The following SOWAHA variants were observed in gnomAD, a reference collection of about 807,000 sequenced individuals.
SOWAHA encodes sosondowah ankyrin repeat domain family member A.
A neutral mutation model predicts 21.1 loss-of-function variants in SOWAHA; 17 were observed. The ratio of observed to expected loss-of-function variants is 0.80; its 90% CI spans 0.55 to 1.21. SOWAHA has a LOEUF of 1.21. Ranked by LOEUF, SOWAHA falls within the 50% of genes most tolerant of loss-of-function variation. The pLI, the probability that SOWAHA is intolerant of heterozygous loss-of-function variation, is 0.00. For missense variants in SOWAHA, 862 were observed against 816.0 expected (o/e 1.06, Z -0.69); for synonymous variants, 422 against 397.1 (o/e 1.06, Z -0.75).
rs1384666045 is a variant in SOWAHA at position 132,814,416 on chromosome 5, T to TCTGGGCCTCGGC, written c.803_814dup (p.Leu268_Gly271dup). ...GGCGGCTCTCGGTGGAAGAGTCCGGTCTGGGCCTCGGCCTGGGCCCGGGCC... is the reference window on the plus strand; with the variant it reads ...GGCGGCTCTCGGTGGAAGAGTCCGGTCTGGGCCTCGGCCTGGGCCTCGGCCTGGGCCCGGGCC... On this transcript the variant is annotated inframe_insertion, in exon 1 of 1. Transcript: ENST00000378693. The TCTGGGCCTCGGC allele has an allele frequency of 4.7e-6, 7 of 1,484,256 alleles. No individual in the cohort carries two copies. In the Admixed American group the frequency reaches 9.2e-5, roughly 20 times the overall value. 91.9% of individuals were successfully genotyped at this position (1,484,256 alleles called of 1,614,324 possible).
At position 132,815,136 on chromosome 5, in the gene SOWAHA, C is replaced by T. The variant is rs1023592960; in HGVS notation, c.1515C>T (p.Phe505=). 5.0e-5 allele frequency: 81 copies of T among 1,613,984 alleles called. 4 individuals carry two copies. ...AGAAGTCGAGCTCCTTCAGCAAGTTCTTGAGCGCCTCGCCCATGGCTCCAC... is the reference window on the plus strand; with the variant it reads ...AGAAGTCGAGCTCCTTCAGCAAGTTTTTGAGCGCCTCGCCCATGGCTCCAC... ...GLKKSSSFSK[F]LSASPMAPRK... The change falls in exon 1 of 1, where the codon TTC becomes TTT. Residue 505 remains phenylalanine (F), a synonymous_variant. Coordinates refer to ENST00000378693, the MANE Select transcript of SOWAHA (RefSeq NM_175873.6).
In SOWAHA at chr5:132,815,268, C is replaced by A; in HGVS notation, c.1647C>A (p.Thr549=). 1.2e-6 allele frequency: 2 copies of A among 1,606,392 alleles called. No homozygotes were observed. The highest frequency in any genetic ancestry group is 1.7e-6 in the Non-Finnish European group (2 of 1,175,312). Residue 549 remains threonine (T), a synonymous_variant, in exon 1 of 1, where the codon ACC becomes ACA. Transcript: ENST00000378693. ...AGLVPSLPPT[T] The stretch of plus-strand genomic sequence containing the variant: ...TAGTGCCCAGTTTGCCTCCAACAAC[C>A]TGAAGGTCCCTGGGGCTACCACCTG...
In SOWAHA at chr5:132,813,317, G is replaced by A. The variant is rs911507391; in HGVS notation, c.-305G>A. Among the ~76,000 whole-genome samples the A allele has an allele frequency of 1.3e-5, 2 of 152,016 alleles. No individual in the cohort carries two copies. The highest frequency in any genetic ancestry group is 4.8e-5 in the African/African-American group (2 of 41,386). The stretch of plus-strand genomic sequence containing the variant: ...GGCAGCTGTCACCTGTAAGGCGAGC[G>A]CGGCGCGGGGGATGGAAGCAGGCGC... On this transcript the variant is annotated 5_prime_UTR_variant, in exon 1 of 1. Coordinates refer to ENST00000378693, the MANE Select transcript of SOWAHA (RefSeq NM_175873.6).
Position 132,813,589 on chromosome 5 carries a change from C to T in SOWAHA, c.-33C>T, listed in dbSNP as rs1758325912. 8.4e-7 allele frequency: 1 copy of T among 1,196,902 alleles called. No homozygotes were observed. The highest frequency in any genetic ancestry group is 1.0e-6 in the Non-Finnish European group (1 of 964,550). The allele number at this position is 1,196,902 out of a possible 1,614,324, so 74.1% of individuals were successfully genotyped here. A position where few individuals can be genotyped will look rare whatever the true frequency, so the allele number is the denominator to read the frequency against. ...CGTCCCGCGGCGACGCGGCGCCCAC[C>T]CGCCCCGGGAGCCAGGAACCCAGGG... is the stretch of plus-strand genomic sequence containing the variant. On this transcript the variant is annotated 5_prime_UTR_variant, in exon 1 of 1. Transcript: ENST00000378693.
In SOWAHA at chr5:132,814,528, T is replaced by G. The variant is rs1758355685; in HGVS notation, c.907T>G (p.Ser303Ala). 7 of 1,369,082 alleles carry G rather than the reference T, an allele frequency of 5.1e-6. No homozygotes were observed. The highest frequency in any genetic ancestry group is 1.5e-5 in the African/African-American group (1 of 65,200). The allele number at this position is 1,369,082 out of a possible 1,614,324, so 84.8% of individuals were successfully genotyped here. ...AEELPAAPPP[S>A]AVPLEPSEHE... is the part of the protein sequence containing the mutation. ...GGAGTTGCCCGCCGCGCCGCCGCCG[T>G]CCGCGGTGCCCCTGGAGCCGTCCGA... is the stretch of plus-strand genomic sequence containing the variant. The change falls in exon 1 of 1, where the codon TCC becomes GCC. Residue 303 changes from serine to alanine, a missense_variant. Physicochemically the swap from Ser to Ala is moderately conservative, Grantham distance 99. Coordinates refer to ENST00000378693, the MANE Select transcript of SOWAHA (RefSeq NM_175873.6).
chr5:132,813,671 C>G lies in SOWAHA; in HGVS notation c.50C>G (p.Ala17Gly), dbSNP rs1262706297. The change falls in exon 1 of 1, where the codon GCG (alanine) becomes GGG (glycine). Residue 17 changes from alanine (A) to glycine (G), a missense_variant. Coordinates refer to ENST00000378693, the MANE Select transcript of SOWAHA (RefSeq NM_175873.6). ...GCTGCGGCTGCCGGGGTGAGCCAGG[C>G]GGCGGTGCTGGGCTTCCTGCAGGAG... ...AAAAAAGVSQ[A>G]AVLGFLQEHG... 1 of 1,478,140 alleles carries G rather than the reference C, an allele frequency of 6.8e-7. No homozygotes were observed. The highest frequency in any genetic ancestry group is 1.5e-5 in the African/African-American group (1 of 68,090). The allele number at this position is 1,478,140 out of a possible 1,614,324, so 91.6% of individuals were successfully genotyped here.
In SOWAHA at chr5:132,814,626, C is replaced by G; in HGVS notation, c.1005C>G (p.Arg335=). The G allele has an allele frequency of 3.3e-6, 5 of 1,520,912 alleles. No homozygotes were observed. Among genetic ancestry groups the G allele is most frequent in the Non-Finnish European group, 4.4e-6 (5 of 1,141,526 alleles). The allele number at this position is 1,520,912 out of a possible 1,614,324, so 94.2% of individuals were successfully genotyped here. ...TGCACGGGCTGCTGCTGCGCGACCG[C>G]GGCTTGGCGGCCAAGCGCGACTTCA... ...HQLHGLLLRD[R]GLAAKRDFMS... Residue 335 remains arginine (R), a synonymous_variant, in exon 1 of 1, where the codon CGC becomes CGG. Coordinates refer to ENST00000378693, the MANE Select transcript of SOWAHA (RefSeq NM_175873.6).
Position 132,813,971 on chromosome 5 carries a change from C to A in SOWAHA, c.350C>A (p.Pro117Gln). The part of the protein sequence containing the change: ...STVLPRSASA[P>Q]GAPPLVRVPR... ...GTCTTGCCGCGGAGCGCCTCTGCCC[C>A]GGGAGCTCCGCCCTTGGTCCGGGTG... Residue 117 changes from proline (P) to glutamine (Q), a missense_variant, in exon 1 of 1, where the codon CCG (proline) becomes CAG (glutamine). Physicochemically the swap from Pro to Gln is moderately conservative, Grantham distance 76. Coordinates refer to ENST00000378693, the MANE Select transcript of SOWAHA (RefSeq NM_175873.6). 6.5e-7 allele frequency: 1 copy of A among 1,543,804 alleles called. No homozygotes were observed. The highest frequency in any genetic ancestry group is 8.7e-7 in the Non-Finnish European group (1 of 1,144,986).
At position 132,814,958 on chromosome 5, in the gene SOWAHA, C is replaced by A. The variant is rs1239012778; in HGVS notation, c.1337C>A (p.Thr446Asn). 2 of 1,580,708 alleles carry A rather than the reference C, an allele frequency of 1.3e-6. No individual in the cohort carries two copies. ...CTTGGCGATCCAGGCCTGCGAGGCA[C>A]CACGGAGCCAGATGCGACCGGTGGT... ...RLLGDPGLRG[T>N]TEPDATGGGS... The change falls in exon 1 of 1, where the codon ACC becomes AAC. Residue 446 changes from threonine (T) to asparagine (N), a missense_variant. Physicochemically the swap from Thr to Asn is moderately conservative, Grantham distance 65. Coordinates refer to ENST00000378693, the MANE Select transcript of SOWAHA (RefSeq NM_175873.6).
Position 132,815,613 on chromosome 5 carries a change from A to C in SOWAHA, c.*342A>C. On this transcript the variant is annotated 3_prime_UTR_variant, in exon 1 of 1. Coordinates refer to ENST00000378693, the MANE Select transcript of SOWAHA (RefSeq NM_175873.6). ...CACCTGATGCCTCTGCAGCTACACA[A>C]TCCCAAGACAGAGCTAGAGCAAGGG... 2.2e-5 allele frequency: 5 copies of C among 223,522 alleles called. No homozygotes were observed. Among genetic ancestry groups the C allele is most frequent in the East Asian group, 1.1e-4 (1 of 9,408 alleles). 13.8% of individuals were successfully genotyped at this position (223,522 alleles called of 1,614,324 possible).
chr5:132,813,742 C>G lies in SOWAHA; in HGVS notation c.121C>G (p.Pro41Ala). The change falls in exon 1 of 1, where the codon CCG becomes GCG. Residue 41 changes from proline to alanine, a missense_variant. By Grantham distance (27) the Pro-to-Ala change is conservative. Coordinates refer to ENST00000378693, the MANE Select transcript of SOWAHA (RefSeq NM_175873.6). ...CTCCGAGCTGCTGAGCCGCTTCAAGCCGCTGCTCGATGCCGGCGACCCGCG... is the reference window on the plus strand; with the variant it reads ...CTCCGAGCTGCTGAGCCGCTTCAAGGCGCTGCTCGATGCCGGCGACCCGCG... Reference protein sequence around the residue: ...RNSELLSRFKPLLDAGDPRGR... With the variant: ...RNSELLSRFKALLDAGDPRGR... 1.3e-6 allele frequency: 2 copies of G among 1,546,890 alleles called. No homozygotes were observed. The highest frequency in any genetic ancestry group is 1.7e-6 in the Non-Finnish European group (2 of 1,145,462).
At position 132,813,790 on chromosome 5, in the gene SOWAHA, C is replaced by A. The variant is rs1240232140; in HGVS notation, c.169C>A (p.Arg57Ser). The change falls in exon 1 of 1, where the codon CGC (arginine) becomes AGC (serine). Residue 57 changes from arginine (R) to serine (S), a missense_variant. By Grantham distance (110) the Arg-to-Ser change is moderately radical. Coordinates refer to ENST00000378693, the MANE Select transcript of SOWAHA (RefSeq NM_175873.6). ...GCGGGGCCGCGCCGCCCGCAGGGACCGCTTCAAGCAGTTCGTCAACAACGT... is the reference window on the plus strand; with the variant it reads ...GCGGGGCCGCGCCGCCCGCAGGGACAGCTTCAAGCAGTTCGTCAACAACGT... The part of the protein sequence containing the change: ...DPRGRAARRD[R>S]FKQFVNNVAV... 1.3e-6 allele frequency: 2 copies of A among 1,548,630 alleles called. No individual in the cohort carries two copies. The highest frequency in any genetic ancestry group is 1.7e-6 in the Non-Finnish European group (2 of 1,146,106).
At position 132,814,983 on chromosome 5, in the gene SOWAHA, T is replaced by C. The variant is rs1336641576; in HGVS notation, c.1362T>C (p.Gly454=). 6.3e-7 allele frequency: 1 copy of C among 1,593,458 alleles called. No individual in the cohort carries two copies. Among genetic ancestry groups the C allele is most frequent in the South Asian group, 1.1e-5 (1 of 88,382 alleles). Residue 454 remains glycine (G), a synonymous_variant, in exon 1 of 1, where the codon GGT becomes GGC. Coordinates refer to ENST00000378693, the MANE Select transcript of SOWAHA (RefSeq NM_175873.6). The stretch of plus-strand genomic sequence containing the variant: ...CCACGGAGCCAGATGCGACCGGTGG[T>C]GGAAGTGGCAGTCTTGCTGCCAGGC... ...RGTTEPDATG[G]GSGSLAARRP... is the part of the protein sequence containing the mutation.
Position 132,815,221 on chromosome 5 carries a change from A to C in SOWAHA, c.1600A>C (p.Thr534Pro). 3 of 1,613,444 alleles carry C rather than the reference A, an allele frequency of 1.9e-6. No individual in the cohort carries two copies. Among genetic ancestry groups the C allele is most frequent in the Non-Finnish European group, 2.5e-6 (3 of 1,179,968 alleles). Residue 534 changes from threonine to proline, a missense_variant, in exon 1 of 1, where the codon ACT becomes CCT. By Grantham distance (38) the Thr-to-Pro change is conservative. Transcript: ENST00000378693. Reference sequence around the variant, plus strand: ...CTTCTCAGAAATCTCTCGTCGACCTACTCCGGGGCCTTTAGCTGGTCTAGT... The same window carrying C: ...CTTCTCAGAAATCTCTCGTCGACCTCCTCCGGGGCCTTTAGCTGGTCTAGT... Reference protein sequence around the residue: ...PAFSEISRRPTPGPLAGLVPS... With the variant: ...PAFSEISRRPPPGPLAGLVPS...
chr5:132,813,857 TGAGG>T lies in SOWAHA; in HGVS notation c.237_240del (p.Lys81SerfsTer89). 6.5e-7 allele frequency: 1 copy of T among 1,548,784 alleles called. No individual in the cohort carries two copies. Among genetic ancestry groups the T allele is most frequent in the Middle Eastern group, 1.7e-4 (1 of 5,954 alleles). ...CTCGACGGCGTCAAGTTCGTGGTGC[TGAGG>T]AAGAAGCCCCGGCCCCCGGAGCCCG... On this transcript the variant is annotated frameshift_variant, in exon 1 of 1. Coordinates refer to ENST00000378693, the MANE Select transcript of SOWAHA (RefSeq NM_175873.6). LOFTEE classifies it high-confidence loss of function.
chr5:132,814,400 C>T lies in SOWAHA; in HGVS notation c.779C>T (p.Ser260Leu). The T allele has an allele frequency of 1.3e-6, 2 of 1,492,478 alleles. No homozygotes were observed. Among genetic ancestry groups the T allele is most frequent in the Non-Finnish European group, 1.8e-6 (2 of 1,129,590 alleles). 92.5% of individuals were successfully genotyped at this position (1,492,478 alleles called of 1,614,324 possible). Residue 260 changes from serine to leucine, a missense_variant, in exon 1 of 1, where the codon TCG becomes TTG. Coordinates refer to ENST00000378693, the MANE Select transcript of SOWAHA (RefSeq NM_175873.6). The part of the protein sequence containing the change: ...RSSPLLLRRL[S>L]VEESGLGLGL... ...TCCCCTCTGCTGCTGAGGCGGCTCT[C>T]GGTGGAAGAGTCCGGTCTGGGCCTC...
chr5:132,815,023 G>A lies in SOWAHA; in HGVS notation c.1402G>A (p.Ala468Thr). ...SLAARRPVQV[A>T]ATILSSTTSA... ...TGCTGCCAGGCGCCCCGTACAGGTG[G>A]CCGCCACCATCCTCAGTTCCACCAC... The change falls in exon 1 of 1, where the codon GCC becomes ACC. Residue 468 changes from alanine to threonine, a missense_variant. Coordinates refer to ENST00000378693, the MANE Select transcript of SOWAHA (RefSeq NM_175873.6). The A allele has an allele frequency of 6.2e-7, 1 of 1,602,112 alleles. No individual in the cohort carries two copies. The highest frequency in any genetic ancestry group is 8.5e-7 in the Non-Finnish European group (1 of 1,174,336).
Position 132,814,634 on chromosome 5 carries a change from C to A in SOWAHA, c.1013C>A (p.Ala338Glu). 6.6e-7 allele frequency: 1 copy of A among 1,521,048 alleles called. No homozygotes were observed. Among genetic ancestry groups the A allele is most frequent in the Non-Finnish European group, 8.8e-7 (1 of 1,141,534 alleles). 94.2% of individuals were successfully genotyped at this position (1,521,048 alleles called of 1,614,324 possible). A position where few individuals can be genotyped will look rare whatever the true frequency, so the allele number is the denominator to read the frequency against. The change falls in exon 1 of 1, where the codon GCG becomes GAG. Residue 338 changes from alanine (A) to glutamate (E), a missense_variant. Ala to Glu is a moderately radical substitution (Grantham distance 107). Transcript: ENST00000378693. ...HGLLLRDRGL[A>E]AKRDFMSGFT... is the part of the protein sequence containing the mutation. ...CTGCTGCTGCGCGACCGCGGCTTGG[C>A]GGCCAAGCGCGACTTCATGTCTGGC...
In SOWAHA at chr5:132,815,034, C is replaced by T. The variant is rs1428123826; in HGVS notation, c.1413C>T (p.Ile471=). 41 of 1,606,226 alleles carry T rather than the reference C, an allele frequency of 2.6e-5. No homozygotes were observed. Among genetic ancestry groups the T allele is most frequent in the Non-Finnish European group, 3.4e-5 (40 of 1,175,888 alleles). Residue 471 remains isoleucine, a synonymous_variant, in exon 1 of 1, where the codon ATC becomes ATT. Transcript: ENST00000378693. ...GCCCCGTACAGGTGGCCGCCACCAT[C>T]CTCAGTTCCACCACCAGTGCATTTC... ...ARRPVQVAAT[I]LSSTTSAFLG...
Sources: gnomAD v4.1 joint callset for allele counts (sites outside exome capture counted in the v4.1 genomes callset) on GRCh38, gnomAD v4.1.1 for gene constraint, MANE v1.5 for transcripts, NCBI Gene and HGNC (gene_info 2026-07-23, HGNC 2026-07-21) for gene names.